Variants in FMNL2 observed in about 807,000 individuals in gnomAD.
The protein encoded by FMNL2 is formin like 2, also known as formin-like protein 2.
Under a neutral mutation model 130.2 loss-of-function variants are expected in FMNL2, and 51 were observed. The observed-to-expected ratio is 0.39, with a 90% CI of 0.31 to 0.49. The LOEUF (loss-of-function observed/expected upper bound fraction) is 0.49, where lower values mean the gene tolerates loss of function less well. Ranked by LOEUF, FMNL2 falls within the 20% of genes least tolerant of loss-of-function variation. FMNL2 has a pLI of 0.85. For missense variants in FMNL2, 977 were observed against 1,316.2 expected, an observed-to-expected ratio of 0.74 and a Z score of 3.99; for synonymous variants, 465 against 467.1, an observed-to-expected ratio of 1.00 and a Z score of 0.06.
intron 1 of FMNL2, among the ~76,000 whole-genome samples, chr2:152,488,952 T>A (rs887743906): frequency 6.6e-6 from 1 of 152,160 alleles, no homozygotes; most frequent in Non-Finnish European, 1.5e-5. Flanking sequence ...GTGCCTACAG[T>A]CCTAGCTATT....
At chr2:152,410,085 CTCT>C (rs796120516) in intron 1 of FMNL2, among the ~76,000 whole-genome samples, 9 of 152,230 alleles carry the variant, frequency 5.9e-5, no homozygotes, top group African/African-American at 2.2e-4. Flanking sequence ...TGTTTATGGA[CTCT>C]TCTTCCTAGA....
At chr2:152,618,365 G>A (rs1699062302) in intron 13 of FMNL2, among the ~76,000 whole-genome samples, 1 of 152,108 alleles carries the variant, frequency 6.6e-6, no homozygotes, top group Non-Finnish European at 1.5e-5. Context: ...GTCAGCCCCT[G>A]GTTACTCATG....
intron 1 of FMNL2, among the ~76,000 whole-genome samples, chr2:152,413,217 T>C (rs13007956): frequency 0.11 from 17,453 of 152,202 alleles, 1,834 homozygotes; most frequent in African/African-American, 0.28. Context: ...TAGAGCCAGC[T>C]TCTGTAGAAA....
rs550896166 is a variant in FMNL2 at position 152,636,753 on chromosome 2, T to A, written c.2844+163T>A. Among the ~76,000 whole-genome samples the A allele has an allele frequency of 2.0e-5, 3 of 152,192 alleles. No homozygotes were observed. In the East Asian group the frequency reaches 5.8e-4, roughly 29 times the overall value. Reference sequence around the variant, plus strand: ...TATTACGGGGGGACCATTCCCAGGGTTATTCTTGGAAGGGCCCCGTCCTCA... The same window carrying A: ...TATTACGGGGGGACCATTCCCAGGGATATTCTTGGAAGGGCCCCGTCCTCA... On this transcript the variant is annotated intron_variant, in intron 22 of 25. Coordinates refer to ENST00000288670, the MANE Select transcript of FMNL2 (RefSeq NM_052905.4).
chr2:152,404,086 G>A (rs1558833874), intron 1 of FMNL2, among the ~76,000 whole-genome samples: 2 of 152,148 alleles, frequency 1.3e-5, no homozygotes, highest in Admixed American at 6.5e-5. Context: ...ATAAATAAAT[G>A]TAAAAGGACT....
intron 1 of FMNL2, among the ~76,000 whole-genome samples, chr2:152,518,629 A>C (rs1692907195): frequency 6.6e-6 from 1 of 152,104 alleles, no homozygotes; most frequent in African/African-American, 2.4e-5. Flanking sequence ...ACTGTACCCC[A>C]TTCACTTAGT....
intron 1 of FMNL2, among the ~76,000 whole-genome samples, chr2:152,513,331 T>G (rs1373146025): frequency 6.6e-6 from 1 of 152,214 alleles, no homozygotes; most frequent in Non-Finnish European, 1.5e-5. Flanking sequence ...ATTTACCCTC[T>G]TAGCGAATGT....
intron 1 of FMNL2, among the ~76,000 whole-genome samples, chr2:152,366,754 C>G (rs947197564): frequency 1.3e-5 from 2 of 152,052 alleles, no homozygotes; most frequent in Admixed American, 6.6e-5. Context: ...TGGCTTGAGC[C>G]CAGGAGTACA....
intron 1 of FMNL2, among the ~76,000 whole-genome samples, chr2:152,504,368 T>A (rs1036150944): frequency 2.6e-5 from 4 of 151,690 alleles, no homozygotes; most frequent in Admixed American, 1.3e-4. Context: ...TGTCTCAGCC[T>A]CCTGAGTAGC....
chr2:152,415,627 A>G (rs1329956070), intron 1 of FMNL2, among the ~76,000 whole-genome samples: 8 of 147,294 alleles, frequency 5.4e-5, no homozygotes, highest in Non-Finnish European at 1.2e-4. Flanking sequence ...TATTGAGTTC[A>G]AGAGAATTTT....
intron 1 of FMNL2, among the ~76,000 whole-genome samples, chr2:152,431,055 G>A (rs1687467100): frequency 1.3e-5 from 2 of 152,090 alleles, no homozygotes; most frequent in Admixed American, 6.6e-5. Context: ...TGACTTTTGG[G>A]GCCAAATGCT....
intron 2 of FMNL2, among the ~76,000 whole-genome samples, chr2:152,536,774 G>A (rs1177582621): frequency 6.6e-6 from 1 of 152,146 alleles, no homozygotes; most frequent in African/African-American, 2.4e-5. Flanking sequence ...CAGATGTCAT[G>A]TTATAATTTC....
chr2:152,427,530 G>A (rs1219784688), intron 1 of FMNL2, among the ~76,000 whole-genome samples: 1 of 152,166 alleles, frequency 6.6e-6, no homozygotes, highest in Non-Finnish European at 1.5e-5. Flanking sequence ...AGGCGATAGA[G>A]TGAGACTCCT....
intron 9 of FMNL2, among the ~76,000 whole-genome samples, chr2:152,606,695 G>GC (rs1355243789): frequency 1.5e-5 from 2 of 137,896 alleles, no homozygotes; most frequent in African/African-American, 5.5e-5. Context: ...ATACCTTTGG[G>GC]CCCTGGAGTT....
rs571432682 is a variant in FMNL2 at position 152,648,558 on chromosome 2, T to C, written c.*653T>C. On this transcript the variant is annotated 3_prime_UTR_variant, in exon 26 of 26. Coordinates refer to ENST00000288670, the MANE Select transcript of FMNL2 (RefSeq NM_052905.4). ...GTGGGGATATAGTGTATAAGACTTA[T>C]TTGCAGTACTGTGTTCTTCAGCTAG... 3.9e-5 allele frequency: 6 copies of C among 152,762 alleles called. No individual in the cohort carries two copies. Among genetic ancestry groups the C allele is most frequent in the Non-Finnish European group, 7.3e-5 (5 of 68,062 alleles). 9.5% of individuals were successfully genotyped at this position (152,762 alleles called of 1,614,324 possible). A position where few individuals can be genotyped will look rare whatever the true frequency, so the allele number is the denominator to read the frequency against.
At chr2:152,643,363 A>C (rs1483311895) in intron 25 of FMNL2, 1 of 1,534,628 alleles carries the variant, frequency 6.5e-7, no homozygotes, top group Non-Finnish European at 8.7e-7. Context: ...AATGCAATAG[A>C]TCTTGGCTTT....
At chr2:152,477,636 C>G (rs1354778433) in intron 1 of FMNL2, among the ~76,000 whole-genome samples, 1 of 152,126 alleles carries the variant, frequency 6.6e-6, no homozygotes, top group Non-Finnish European at 1.5e-5. Context: ...TGCAGCTTCT[C>G]AGGTCCTAGC....
intron 1 of FMNL2, among the ~76,000 whole-genome samples, chr2:152,472,865 T>C (rs991527481): frequency 6.6e-6 from 1 of 152,196 alleles, no homozygotes; most frequent in Non-Finnish European, 1.5e-5. Context: ...AAGGGTATTG[T>C]GAAGATTAAG....
chr2:152,419,680 G>A lies in FMNL2; in HGVS notation c.117+83960G>A, dbSNP rs186602735. ...GAAGTTACCAGTTTTCTGAAGAAAA[G>A]CATTTGAACCAAGAATCCAAATGTG... On this transcript the variant is annotated intron_variant, in intron 1 of 25. Transcript: ENST00000288670. 2.6e-4 allele frequency among the ~76,000 whole-genome samples: 40 copies of A among 152,210 alleles called. No homozygotes were observed. In the East Asian group the frequency reaches 7.1e-3, roughly 27 times the overall value.
Sources: gnomAD v4.1 joint callset for allele counts (sites outside exome capture counted in the v4.1 genomes callset) on GRCh38, gnomAD v4.1.1 for gene constraint, MANE v1.5 for transcripts, NCBI Gene and HGNC (gene_info 2026-07-23, HGNC 2026-07-21) for gene names.